The following TMIGD3 variants were observed in gnomAD, a reference collection of about 807,000 sequenced individuals.
TMIGD3 encodes AD026 protein (AD026).
Under a neutral mutation model 28.1 loss-of-function variants are expected in TMIGD3, and 21 were observed. The ratio of observed to expected loss-of-function variants is 0.75; its 90% CI spans 0.53 to 1.08. TMIGD3 has a LOEUF of 1.08. Ranked by LOEUF, TMIGD3 falls within the 50% of genes least tolerant of loss-of-function variation. The pLI is 0.00. For missense variants in TMIGD3, 416 were observed against 435.6 expected, an observed-to-expected ratio of 0.96 and a Z score of 0.40; for synonymous variants, 151 against 162.1, an observed-to-expected ratio of 0.93 and a Z score of 0.52.
At chr1:111,511,771 A>G (rs10857889) in intron 1 of TMIGD3, among the ~76,000 whole-genome samples, 2 of 151,620 alleles carry the variant, frequency 1.3e-5, no homozygotes, top group African/African-American at 2.4e-5. Flanking sequence ...TCATTTGTTC[A>G]TTTACTTGTC....
chr1:111,523,657 TG>T (rs1346731771), intron 1 of TMIGD3, among the ~76,000 whole-genome samples: 1 of 152,184 alleles, frequency 6.6e-6, no homozygotes, highest in Admixed American at 6.5e-5. Context: ...TGTGAAAATT[TG>T]TAATATAAAT....
intron 1 of TMIGD3, among the ~76,000 whole-genome samples, chr1:111,514,187 T>C (rs747767116): frequency 6.6e-6 from 1 of 152,118 alleles, no homozygotes; most frequent in African/African-American, 2.4e-5. Context: ...TAGAAAGCAA[T>C]AGGTGCAACT....
intron 1 of TMIGD3, among the ~76,000 whole-genome samples, chr1:111,514,551 T>C (rs890175747): frequency 2.0e-5 from 3 of 151,072 alleles, no homozygotes; most frequent in Non-Finnish European, 4.4e-5. Context: ...GATGAGACCT[T>C]GACTTAAAAA....
intron 1 of TMIGD3, among the ~76,000 whole-genome samples, chr1:111,558,086 G>A (rs1237282073): frequency 2.0e-5 from 3 of 152,090 alleles, no homozygotes; most frequent in Non-Finnish European, 4.4e-5. Flanking sequence ...GAAATAGAAA[G>A]TGCACATTTA....
At chr1:111,497,719 A>T (rs1000552346) in intron 1 of TMIGD3, among the ~76,000 whole-genome samples, 15 of 152,196 alleles carry the variant, frequency 9.9e-5, no homozygotes, top group Admixed American at 5.2e-4. Context: ...AAGTAAAAGC[A>T]GTTCTGAAAC....
intron 1 of TMIGD3, among the ~76,000 whole-genome samples, chr1:111,511,211 T>G (rs1655676463): frequency 6.6e-6 from 1 of 152,236 alleles, no homozygotes; most frequent in African/African-American, 2.4e-5. Context: ...TTTACATGAC[T>G]GCTTCTCCCG....
chr1:111,495,494 A>G (rs1001228427), intron 1 of TMIGD3, among the ~76,000 whole-genome samples: 1 of 152,244 alleles, frequency 6.6e-6, no homozygotes, highest in African/African-American at 2.4e-5. Context: ...GAGAAAAGAG[A>G]ACACTTATAC....
At chr1:111,508,068 C>A (rs1035343196), upstream of TMIGD3, among the ~76,000 whole-genome samples, 2 of 152,196 alleles carry the variant, frequency 1.3e-5, no homozygotes, top group Non-Finnish European at 2.9e-5. Flanking sequence ...TCACTCCATG[C>A]CAGTGTTGGT....
At chr1:111,544,420 C>T (rs1217071652) in intron 1 of TMIGD3, among the ~76,000 whole-genome samples, 3 of 152,112 alleles carry the variant, frequency 2.0e-5, no homozygotes, top group Non-Finnish European at 4.4e-5. Context: ...ATGGATTTGA[C>T]TATTTTGGAC....
At position 111,528,355 on chromosome 1, in the gene TMIGD3, T is replaced by C. The variant is rs187863406; in HGVS notation, c.107+35491A>G. Among the ~76,000 whole-genome samples, 617 of 152,344 alleles carry C rather than the reference T, an allele frequency of 4.1e-3. 7 individuals are homozygous for C. Among genetic ancestry groups the C allele is most frequent in the Non-Finnish European group, 4.7e-3 (319 of 68,024 alleles). On this transcript the variant is annotated intron_variant, in intron 1 of 5. Transcript: ENST00000369717. ...TATGTGTCTACTTCTGGCCTTTCTA[T>C]TCTGTTCCACTGATCTACTTGTCTG... is the stretch of plus-strand genomic sequence containing the variant.
chr1:111,485,400 G>C, intron 5 of TMIGD3: 1 of 241,804 alleles, frequency 4.1e-6, no homozygotes, highest in Non-Finnish European at 8.0e-6. Context: ...TTACCCAGCG[G>C]TCCCAGAAGC....
chr1:111,525,402 T>G (rs1656229247), intron 1 of TMIGD3, among the ~76,000 whole-genome samples: 1 of 152,238 alleles, frequency 6.6e-6, no homozygotes, highest in African/African-American at 2.4e-5. Context: ...GAATTGTCCT[T>G]TTTATTGCTA....
chr1:111,562,439 T>C (rs1657777012), intron 1 of TMIGD3, among the ~76,000 whole-genome samples: 1 of 152,182 alleles, frequency 6.6e-6, no homozygotes, highest in Admixed American at 6.5e-5. Context: ...AGAAATAAAA[T>C]GTTAATCATT....
chr1:111,489,583 CT>C lies in TMIGD3; in HGVS notation c.458-560del. On this transcript the variant is annotated intron_variant, in intron 2 of 5. Coordinates refer to ENST00000369716, the MANE Select transcript of TMIGD3 (RefSeq NM_020683.7). ...CTAATAAAGCAACTCTGGAGAAGTC[CT>C]TTTCCCTGGCCTAAGGGTGGGTGAA... is the stretch of plus-strand genomic sequence containing the variant. 7.3e-6 allele frequency: 8 copies of C among 1,091,312 alleles called. No homozygotes were observed. In the South Asian group the frequency reaches 1.1e-4, roughly 15 times the overall value. 67.6% of individuals were successfully genotyped at this position (1,091,312 alleles called of 1,614,324 possible).
chr1:111,491,914 C>T (rs905149218), intron 1 of TMIGD3, among the ~76,000 whole-genome samples: 3 of 152,162 alleles, frequency 2.0e-5, no homozygotes, highest in Non-Finnish European at 4.4e-5. Flanking sequence ...CACGATGGCT[C>T]CTGGAATTCA....
At chr1:111,555,616 T>C (rs984595686) in intron 1 of TMIGD3, among the ~76,000 whole-genome samples, 3 of 152,058 alleles carry the variant, frequency 2.0e-5, no homozygotes, top group Non-Finnish European at 4.4e-5. Context: ...GAGGTATGTA[T>C]GTATCTATTC....
At chr1:111,525,064 T>C (rs1051194967) in intron 1 of TMIGD3, among the ~76,000 whole-genome samples, 2 of 152,250 alleles carry the variant, frequency 1.3e-5, no homozygotes, top group Non-Finnish European at 2.9e-5. Flanking sequence ...TTGTATGATC[T>C]AAATCCTTTT....
chr1:111,500,252 C>A (rs1473995721), intron 1 of TMIGD3: 11 of 1,614,166 alleles, frequency 6.8e-6, no homozygotes, highest in Admixed American at 1.7e-5. Context: ...TAAAATGCAC[C>A]TGTCTCTTTG....
chr1:111,485,635 A>G (rs1654327113), intron 5 of TMIGD3, 105 bp downstream of exon 5: 2 of 873,104 alleles, frequency 2.3e-6, no homozygotes, highest in Non-Finnish European at 3.6e-6. Flanking sequence ...CCAGGTGACC[A>G]GGCAATATGA....
Sources: allele counts gnomAD v4.1 joint callset (sites outside exome capture counted in the v4.1 genomes callset), GRCh38; gene constraint gnomAD v4.1.1; transcripts MANE v1.5; gene names NCBI Gene and HGNC (gene_info 2026-07-23, HGNC 2026-07-21).